Variants in RPS24 observed in about 807,000 individuals in gnomAD.
The protein encoded by RPS24 is small ribosomal subunit protein eS24.
For missense variants in RPS24, 100 were observed against 162.5 expected (o/e 0.62, Z 2.09); for synonymous variants, 72 against 55.6 (o/e 1.30, Z -1.31).
rs1456735363 is a variant in RPS24 at position 78,053,183 on chromosome 10, C to CA, written c.391-1346dup. Among the ~76,000 whole-genome samples the CA allele has an allele frequency of 9.2e-3, 898 of 97,918 alleles. 4 individuals carry two copies. The highest frequency in any genetic ancestry group is 0.035 in the South Asian group (114 of 3,256). 64.2% of individuals were successfully genotyped at this position (97,918 alleles called of 152,430 possible). On this transcript the variant is annotated intron_variant, in intron 4 of 4. Coordinates refer to the RPS24 transcript ENST00000440692. ...AAACAAACAAAAACAACAACAACAA[C>CA]AACAAAAAAAAAAAAAGAAAAGAAA...
chr10:78,042,725 A>C (rs532707878), downstream of RPS24, among the ~76,000 whole-genome samples: 21 of 152,134 alleles, frequency 1.4e-4, no homozygotes, highest in Admixed American at 4.6e-4. Context: ...AGTGATGAGA[A>C]ACTCAGCTAG....
downstream of RPS24, among the ~76,000 whole-genome samples, chr10:78,045,053 A>G (rs1446219631): frequency 6.6e-6 from 1 of 151,988 alleles, no homozygotes; most frequent in Non-Finnish European, 1.5e-5. Flanking sequence ...CAATGGCACG[A>G]CCTCAGCTCA....
At chr10:78,054,867 C>G (rs1262451360) in exon 5 of RPS24, 1 of 1,549,482 alleles carries the variant, frequency 6.5e-7, no homozygotes. Context: ...CTTGGTCCTC[C>G]ACTTGCCAGA....
At chr10:78,042,919 A>T (rs1051361187), downstream of RPS24, among the ~76,000 whole-genome samples, 1 of 152,194 alleles carries the variant, frequency 6.6e-6, no homozygotes, top group East Asian at 1.9e-4. Context: ...TAAAGACAGC[A>T]TCTTACATGG....
At chr10:78,035,775 G>A (rs769227572) in intron 3 of RPS24, 55 bp downstream of exon 3, 105 of 1,422,566 alleles carry the variant, frequency 7.4e-5, no homozygotes, top group Admixed American at 1.7e-4. Flanking sequence ...TTTCAATAGC[G>A]TTGTGTTGTG....
At chr10:78,036,830 G>A (rs1374412863) in intron 3 of RPS24, among the ~76,000 whole-genome samples, 2 of 152,172 alleles carry the variant, frequency 1.3e-5, no homozygotes, top group Non-Finnish European at 2.9e-5. Context: ...TCATAAGGGA[G>A]TAATGGGGAG....
At chr10:78,056,382 A>C (rs754243903) in exon 5 of RPS24, 1 of 151,724 alleles carries the variant, frequency 6.6e-6, no homozygotes. Context: ...CTGCTCCCCA[A>C]ATTTGCTTTT....
At chr10:78,043,126 C>G (rs572754679), downstream of RPS24, among the ~76,000 whole-genome samples, 1 of 152,272 alleles carries the variant, frequency 6.6e-6, no homozygotes, top group African/African-American at 2.4e-5. Flanking sequence ...GCCTCAGCCT[C>G]CCAAGTAGCT....
intron 4 of RPS24, chr10:78,054,438 G>A: frequency 8.9e-7 from 1 of 1,118,648 alleles, no homozygotes; most frequent in Non-Finnish European, 1.3e-6. Flanking sequence ...AAGTGAGGGA[G>A]GTGCAGAATC....
At chr10:78,049,101 A>G (rs1200494592) in intron 4 of RPS24, 2 of 152,110 alleles carry the variant, frequency 1.3e-5, no homozygotes, top group African/African-American at 2.4e-5. Context: ...GACTTGCCCC[A>G]AGTCCTTCAG....
At chr10:78,039,765 A>G (rs1847952474) in intron 4 of RPS24, 1 of 182,772 alleles carries the variant, frequency 5.5e-6, no homozygotes, top group Non-Finnish European at 1.2e-5. Flanking sequence ...GACTTGCCTG[A>G]TCATTTAGAG....
At chr10:78,052,343 G>A (rs1439197499) in intron 4 of RPS24, among the ~76,000 whole-genome samples, 1 of 152,068 alleles carries the variant, frequency 6.6e-6, no homozygotes, top group Non-Finnish European at 1.5e-5. Flanking sequence ...TGGTTTTTCT[G>A]TCCTTGGAAA....
chr10:78,052,310 G>A (rs777046224), intron 4 of RPS24, among the ~76,000 whole-genome samples: 3 of 152,088 alleles, frequency 2.0e-5, no homozygotes, highest in Non-Finnish European at 4.4e-5. Flanking sequence ...ACAGGTGACC[G>A]CCACCACCCC....
rs1421701248 is a variant in RPS24, at chr10:78,040,599, TTCTC to T, written c.*20-14_*20-11del. On this transcript the variant is annotated splice_polypyrimidine_tract_variant and intron_variant, in intron 5 of 5. Transcript: ENST00000372360. Reference sequence around the variant, plus strand: ...AAAGGCAGTTGTTGACTAAACTTCTTTCTCTTGATTCACAGCCGAAGGAGTAAAG... The same window carrying T: ...AAAGGCAGTTGTTGACTAAACTTCTTTTGATTCACAGCCGAAGGAGTAAAG... 6.2e-7 allele frequency: 1 copy of T among 1,607,116 alleles called. No individual in the cohort carries two copies. The highest frequency in any genetic ancestry group is 1.1e-5 in the South Asian group (1 of 90,964).
At chr10:78,040,540 A>C (rs1326752783) in intron 5 of RPS24, 75 bp from the exon 6 acceptor site, 1 of 1,039,474 alleles carries the variant, frequency 9.6e-7, no homozygotes, top group Non-Finnish European at 1.5e-6. Flanking sequence ...CATGAGTGTT[A>C]CTACTTTTGG....
intron 4 of RPS24, chr10:78,037,955 T>C (rs1323693000): frequency 1.6e-6 from 2 of 1,268,900 alleles, no homozygotes; most frequent in African/African-American, 1.5e-5. Flanking sequence ...TTGGATTTCT[T>C]GTTCATCAGA....
At position 78,052,519 on chromosome 10, in the gene RPS24, G is replaced by T. The variant is rs1848109218; in HGVS notation, c.391-2012G>T. Among the ~76,000 whole-genome samples the T allele has an allele frequency of 1.3e-5, 2 of 152,182 alleles. 1 individual carries two copies. The highest frequency in any genetic ancestry group is 4.1e-4 in the South Asian group (2 of 4,832). ...CCCCATTTCATAGTGTGATGAGGAT[G>T]CTAAAAAAAAGCAAATGTTGCCTCT... On this transcript the variant is annotated intron_variant, in intron 4 of 4. Transcript: ENST00000440692.
At chr10:78,037,902 C>CTTTTTTTTTTTTTTTTTTTTTTTTTTTTT (rs55902139) in intron 4 of RPS24, 3 of 379,938 alleles carry the variant, frequency 7.9e-6, no homozygotes, top group Middle Eastern at 4.2e-4. Context: ...GTTCTGTGAA[C>CTTTTTTTTTTTTTTTTTTTTTTTTTTTTT]TTTTTTTTTT....
At chr10:78,042,282 C>T (rs897887765), downstream of RPS24, among the ~76,000 whole-genome samples, 8 of 152,198 alleles carry the variant, frequency 5.3e-5, no homozygotes, top group Non-Finnish European at 1.2e-4. Context: ...GCCCTCTGGT[C>T]TTCTGTCCCT....
Sources: allele counts gnomAD v4.1 joint callset (sites outside exome capture counted in the v4.1 genomes callset), GRCh38; gene constraint gnomAD v4.1.1; transcripts MANE v1.5; gene names NCBI Gene and HGNC (gene_info 2026-07-23, HGNC 2026-07-21).